PRKAA1: variants seen among roughly 807,000 people sequenced by gnomAD.
The protein encoded by PRKAA1 is 5'-AMP-activated protein kinase catalytic subunit alpha-1.
PRKAA1 carries 23 observed loss-of-function variants against 56.9 expected under a neutral mutation model. The ratio of observed to expected loss-of-function variants is 0.40; its 90% CI spans 0.29 to 0.57. The LOEUF (loss-of-function observed/expected upper bound fraction) is 0.57, where lower values mean the gene tolerates loss of function less well. Ranked by LOEUF, PRKAA1 falls within the 20% of genes least tolerant of loss-of-function variation. The pLI is 0.39. For missense variants in PRKAA1, 413 were observed against 679.7 expected (o/e 0.61, Z 4.36); for synonymous variants, 226 against 227.0 (o/e 1.00, Z 0.04).
In PRKAA1 at chr5:40,762,691, T is replaced by C. The variant is rs1026994106; in HGVS notation, c.*87A>G. ...AAACGCCAGCCCTCGGTTATAATTA[T>C]GTATAACTTGATTACAAATGGAAGC... is the stretch of plus-strand genomic sequence containing the variant. On this transcript the variant is annotated 3_prime_UTR_variant, in exon 9 of 9. Transcript: ENST00000397128. 2.6e-5 allele frequency: 39 copies of C among 1,522,728 alleles called. No homozygotes were observed. The African/African-American group carries it at 3.7e-4, about 15-fold the overall frequency. 94.3% of individuals were successfully genotyped at this position (1,522,728 alleles called of 1,614,324 possible).
Position 40,766,717 on chromosome 5 carries a change from C to T in PRKAA1, c.821+749G>A, listed in dbSNP as rs111580570. 9.2e-5 allele frequency among the ~76,000 whole-genome samples: 14 copies of T among 152,090 alleles called. No homozygotes were observed. In the South Asian group the frequency reaches 1.9e-3, roughly 20 times the overall value. Reference sequence around the variant, plus strand: ...TACTACTGAAAAGTATTAATCCTAACGCCAGGCATACTGGCTCACACCTGT... The same window carrying T: ...TACTACTGAAAAGTATTAATCCTAATGCCAGGCATACTGGCTCACACCTGT... On this transcript the variant is annotated intron_variant, in intron 6 of 8. Transcript: ENST00000397128.
intron 1 of PRKAA1, among the ~76,000 whole-genome samples, chr5:40,784,013 A>C (rs1418798958): frequency 6.6e-6 from 1 of 152,182 alleles, no homozygotes; most frequent in Non-Finnish European, 1.5e-5. Flanking sequence ...TAAAATAAGA[A>C]TACCACATAC....
chr5:40,770,044 C>A (rs894599365), intron 4 of PRKAA1, among the ~76,000 whole-genome samples: 3 of 151,334 alleles, frequency 2.0e-5, no homozygotes, highest in Non-Finnish European at 4.4e-5. Flanking sequence ...TAAAAAAAAA[C>A]AAAACACCAA....
At chr5:40,763,217 A>C (rs917183512) in intron 8 of PRKAA1, among the ~76,000 whole-genome samples, 195 bp from the exon 9 acceptor site, 2 of 152,198 alleles carry the variant, frequency 1.3e-5, no homozygotes, top group African/African-American at 4.8e-5. Flanking sequence ...TGTATTCTCA[A>C]GATAGCTAAC....
rs939666416 is a variant in PRKAA1 at position 40,759,737 on chromosome 5, A to T, written c.*3041T>A. 2 of 152,382 alleles carry T rather than the reference A, an allele frequency of 1.3e-5. No individual in the cohort carries two copies. Among genetic ancestry groups the T allele is most frequent in the African/African-American group, 4.8e-5 (2 of 41,474 alleles). The allele number at this position is 152,382 out of a possible 1,614,324, so 9.4% of individuals were successfully genotyped here. A position where few individuals can be genotyped will look rare whatever the true frequency, so the allele number is the denominator to read the frequency against. Reference sequence around the variant, plus strand: ...TCAATGTAAATGGTGTCACTACAACATCAAAAAGAGCAGTGCTAGGCAGAG... The same window carrying T: ...TCAATGTAAATGGTGTCACTACAACTTCAAAAAGAGCAGTGCTAGGCAGAG... On this transcript the variant is annotated 3_prime_UTR_variant, in exon 9 of 9. Transcript: ENST00000397128.
At chr5:40,791,399 C>T (rs58751240) in intron 1 of PRKAA1, among the ~76,000 whole-genome samples, 47,363 of 152,072 alleles carry the variant, frequency 0.31, 7,608 homozygotes, top group East Asian at 0.56. Context: ...TCACAATGTC[C>T]CCCTCACAAG....
chr5:40,767,191 T>C (rs1579715570), intron 6 of PRKAA1, among the ~76,000 whole-genome samples: 2 of 152,232 alleles, frequency 1.3e-5, no homozygotes, highest in South Asian at 2.1e-4. Context: ...TTTTTGTTAA[T>C]TTAAAAAGTA....
intron 1 of PRKAA1, among the ~76,000 whole-genome samples, chr5:40,777,801 G>A (rs1427989855): frequency 2.7e-5 from 4 of 146,734 alleles, no homozygotes; most frequent in Middle Eastern, 3.3e-3. Context: ...GGCCGGGAGC[G>A]GTGGCTCATG....
chr5:40,769,082 T>C (rs1431817971), intron 5 of PRKAA1: 3 of 632,506 alleles, frequency 4.7e-6, no homozygotes, highest in Non-Finnish European at 5.2e-6. Context: ...ATTACATGTT[T>C]AATTTTTCCT....
At chr5:40,796,354 C>A (rs961819554) in intron 1 of PRKAA1, among the ~76,000 whole-genome samples, 1 of 152,004 alleles carries the variant, frequency 6.6e-6, no homozygotes, top group African/African-American at 2.4e-5. Flanking sequence ...AAAAATAGAC[C>A]TGACTTTATT....
chr5:40,790,855 T>A (rs911267987), intron 1 of PRKAA1, among the ~76,000 whole-genome samples: 3 of 152,236 alleles, frequency 2.0e-5, no homozygotes, highest in African/African-American at 7.2e-5. Context: ...AGCATAATAC[T>A]TTTTAAAATA....
intron 1 of PRKAA1, among the ~76,000 whole-genome samples, chr5:40,782,536 A>C (rs762984896): frequency 3.3e-5 from 5 of 152,220 alleles, no homozygotes; most frequent in Non-Finnish European, 7.3e-5. Flanking sequence ...ATAGACATTA[A>C]ACTCATCCAT....
chr5:40,766,500 A>C (rs915096532), intron 6 of PRKAA1, among the ~76,000 whole-genome samples: 1 of 152,198 alleles, frequency 6.6e-6, no homozygotes, highest in African/African-American at 2.4e-5. Context: ...ATTTTTGTCT[A>C]ATTTAAACTA....
chr5:40,768,376 G>A (rs755544314), intron 5 of PRKAA1: 68 of 876,646 alleles, frequency 7.8e-5, no homozygotes, highest in Non-Finnish European at 9.0e-5. Flanking sequence ...ATAGCCCATT[G>A]CATATATGCA....
At position 40,764,735 on chromosome 5, in the gene PRKAA1, T is replaced by A; in HGVS notation, c.1308+17A>T. ...TTGCCAAATATGCTAATAATCAAAA[T>A]GTTATTTCTTTCTTACCTTCCATTC... On this transcript the variant is annotated intron_variant, in intron 7 of 8. Transcript: ENST00000397128. 2 of 1,604,756 alleles carry A rather than the reference T, an allele frequency of 1.2e-6. No individual in the cohort carries two copies. Among genetic ancestry groups the A allele is most frequent in the Non-Finnish European group, 1.7e-6 (2 of 1,173,538 alleles).
chr5:40,767,763 A>G, intron 5 of PRKAA1, 73 bp from the exon 6 acceptor site: 1 of 1,261,278 alleles, frequency 7.9e-7, no homozygotes, highest in East Asian at 2.4e-5. Context: ...AACTTCAAAT[A>G]TGGATATTTC....
intron 1 of PRKAA1, among the ~76,000 whole-genome samples, chr5:40,795,283 T>C (rs1744879531): frequency 6.6e-6 from 1 of 151,984 alleles, no homozygotes. Context: ...ACAAATATGA[T>C]GCAATGTATA....
chr5:40,777,785 A>T (rs531039428), intron 1 of PRKAA1, among the ~76,000 whole-genome samples, 199 bp from the exon 2 acceptor site: 1 of 147,448 alleles, frequency 6.8e-6, no homozygotes, highest in South Asian at 2.2e-4. Context: ...AAATACAAAA[A>T]TTAATGGCCG....
At chr5:40,797,716 G>A (rs982409895) in intron 1 of PRKAA1, among the ~76,000 whole-genome samples, 77 of 152,288 alleles carry the variant, frequency 5.1e-4, no homozygotes, top group African/African-American at 1.9e-3. Flanking sequence ...CCCGGGGATC[G>A]CGCCCGGCGC....
Sources: gnomAD v4.1 joint callset for allele counts (sites outside exome capture counted in the v4.1 genomes callset) on GRCh38, gnomAD v4.1.1 for gene constraint, MANE v1.5 for transcripts, NCBI Gene and HGNC (gene_info 2026-07-23, HGNC 2026-07-21) for gene names.